Variants in OCM2 observed in about 807,000 individuals in gnomAD.
The protein encoded by OCM2 is oncomodulin-2.
A neutral mutation model predicts 13.6 loss-of-function variants in OCM2; 6 were observed. The observed-to-expected ratio is 0.44, with a 90% CI of 0.24 to 0.87. The LOEUF (loss-of-function observed/expected upper bound fraction) is 0.87. Ranked by LOEUF, OCM2 falls within the 40% of genes least tolerant of loss-of-function variation. The probability of loss-of-function intolerance (pLI) is 0.22; values close to 1 mark genes in which losing one functional copy is unlikely to be tolerated. For missense variants in OCM2, 118 were observed against 136.8 expected, an observed-to-expected ratio of 0.86 and a Z score of 0.68; for synonymous variants, 40 against 50.7, an observed-to-expected ratio of 0.79 and a Z score of 0.90.
chr7:97,985,397 C>T (rs1328856826), intron 3 of OCM2, among the ~76,000 whole-genome samples: 3 of 124,574 alleles, frequency 2.4e-5, no homozygotes, highest in Non-Finnish European at 4.7e-5. Flanking sequence ...CTAGCCTGGG[C>T]GAGAGAGCCA....
intron 2 of OCM2, 31 bp downstream of exon 2, chr7:97,988,385 A>T: frequency 6.2e-7 from 1 of 1,613,212 alleles, no homozygotes; most frequent in Non-Finnish European, 8.5e-7. Context: ...CAGCAGTGCC[A>T]GGTACCAGAC....
At chr7:97,990,016 T>TGGGCCCCCCC in intron 1 of OCM2, 28 bp downstream of exon 1, 1 of 1,083,840 alleles carries the variant, frequency 9.2e-7, no homozygotes, top group Non-Finnish European at 1.4e-6. Flanking sequence ...TGTGAGGAAA[T>TGGGCCCCCCC]CCCACCCCCG....
At chr7:97,988,938 T>TTC (rs1562866071) in intron 1 of OCM2, among the ~76,000 whole-genome samples, 4 of 149,672 alleles carry the variant, frequency 2.7e-5, no homozygotes, top group African/African-American at 9.8e-5. Flanking sequence ...TCTTTCTTTT[T>TTC]TTTTTTTTTT....
chr7:97,989,223 C>G (rs1235440214), intron 1 of OCM2, among the ~76,000 whole-genome samples: 1 of 151,758 alleles, frequency 6.6e-6, no homozygotes, highest in Non-Finnish European at 1.5e-5. Context: ...GAGCACCACA[C>G]CTGGCCCTTC....
exon 3 of OCM2, chr7:97,987,125 T>C: frequency 6.2e-7 from 1 of 1,613,850 alleles, no homozygotes; most frequent in Non-Finnish European, 8.5e-7. Context: ...GTCAGTTCTC[T>C]GGCACCACTC....
exon 4 of OCM2, chr7:97,984,800 T>C (rs910453630): frequency 2.8e-6 from 3 of 1,054,664 alleles, no homozygotes; most frequent in African/African-American, 1.6e-5. Context: ...TGAGTGACTC[T>C]CTCGTGACCT....
At chr7:97,985,792 A>T (rs1176537132) in intron 3 of OCM2, among the ~76,000 whole-genome samples, 1 of 152,234 alleles carries the variant, frequency 6.6e-6, no homozygotes, top group Non-Finnish European at 1.5e-5. Flanking sequence ...TGTTACTAAA[A>T]GAAGGATAAT....
At chr7:97,990,020 AC>A in intron 1 of OCM2, 23 bp downstream of exon 1, 2 of 644,598 alleles carry the variant, frequency 3.1e-6, no homozygotes, top group Non-Finnish European at 5.5e-6. Context: ...AGGAAATCCC[AC>A]CCCCGCCCCA....
intron 2 of OCM2, 41 bp from the exon 3 acceptor site, chr7:97,987,197 C>G (rs376681631): frequency 6.2e-7 from 1 of 1,611,508 alleles, no homozygotes; most frequent in Non-Finnish European, 8.5e-7. Context: ...TCAAAAAGGT[C>G]GTGCATCCCT....
rs1344192037 is a variant in OCM2 at position 97,989,712 on chromosome 7, A to AT, written c.61+331dup. Among the ~76,000 whole-genome samples the AT allele has an allele frequency of 8.2e-3, 1,118 of 136,562 alleles. 6 individuals are homozygous for AT. Among genetic ancestry groups the AT allele is most frequent in the African/African-American group, 0.024 (880 of 37,156 alleles). The allele number at this position is 136,562 out of a possible 152,430, so 89.6% of individuals were successfully genotyped here. A position where few individuals can be genotyped will look rare whatever the true frequency, so the allele number is the denominator to read the frequency against. ...ATGTGAGCCACCATGCCTGGTCTAC[A>AT]TTTTTTTTTTTTTTGTAGACAGAGT... On this transcript the variant is annotated intron_variant, in intron 1 of 3. Coordinates refer to ENST00000257627, the Ensembl canonical transcript of OCM2.
chr7:97,986,321 G>A (rs1794670644), intron 3 of OCM2, among the ~76,000 whole-genome samples: 2 of 81,716 alleles, frequency 2.4e-5, no homozygotes, highest in South Asian at 9.3e-4. Context: ...ATTTTGAACA[G>A]GTTTTTTTTT....
intron 1 of OCM2, among the ~76,000 whole-genome samples, chr7:97,989,538 C>T (rs1794709871): frequency 6.6e-6 from 1 of 151,652 alleles, no homozygotes; most frequent in African/African-American, 2.4e-5. Flanking sequence ...TAGCTGGGAC[C>T]ACAGGCACAT....
Position 97,984,977 on chromosome 7 carries a change from TG to T in OCM2, c.310del (p.Gln104ArgfsTer19). ...GGGCTTTTAAGAATGCACCATTTCC[TG>T]GAATTCTAGAACAGAAGAGGTGAGA... On this transcript the variant is annotated frameshift_variant, in exon 4 of 4. Transcript: ENST00000257627. LOFTEE classifies it high-confidence loss of function. 6.2e-7 allele frequency: 1 copy of T among 1,614,130 alleles called. No individual in the cohort carries two copies. The highest frequency in any genetic ancestry group is 8.5e-7 in the Non-Finnish European group (1 of 1,179,976).
intron 3 of OCM2, among the ~76,000 whole-genome samples, chr7:97,985,431 A>AAAAAAAGAAAG (rs757682710): frequency 6.8e-5 from 9 of 131,500 alleles, no homozygotes; most frequent in Non-Finnish European, 1.3e-4. Context: ...AAAAAAAAAA[A>AAAAAAAGAAAG]AAAGAAAGAA....
At position 97,988,546 on chromosome 7, in the gene OCM2, G is replaced by A. The variant is rs756579436; in HGVS notation, c.64C>T (p.Pro22Ser). The A allele has an allele frequency of 1.2e-6, 2 of 1,614,126 alleles. No individual in the cohort carries two copies. Among genetic ancestry groups the A allele is most frequent in the South Asian group, 2.2e-5 (2 of 91,076 alleles). ...AATTTTTGGGGTTCAAAAGTGTCTGGGTCTGAAGAACAGAGAATGGGTTAT... is the reference window on the plus strand; with the variant it reads ...AATTTTTGGGGTTCAAAAGTGTCTGAGTCTGAAGAACAGAGAATGGGTTAT... Residue 22 changes from proline (P) to serine (S), a missense_variant and splice_region_variant, in exon 2 of 4, where the codon CCA (proline) becomes TCA (serine). Physicochemically the swap from Pro to Ser is moderately conservative, Grantham distance 74. Coordinates refer to ENST00000257627, the Ensembl canonical transcript of OCM2.
rs755020815 is a variant in OCM2 at position 97,988,512 on chromosome 7, G to A, written c.98C>T (p.Thr33Met). 28 of 1,614,072 alleles carry A rather than the reference G, an allele frequency of 1.7e-5. No homozygotes were observed. The Admixed American group carries it at 2.2e-4, about 12-fold the overall frequency. Residue 33 changes from threonine to methionine, a missense_variant, in exon 2 of 4, where the codon ACG becomes ATG. By Grantham distance (81) the Thr-to-Met change is moderately conservative. Transcript: ENST00000257627. ...GGCTGACATCTTGGAGAGGCCTGACGTCTGGAAGAATTTTTGGGGTTCAAA... is the reference window on the plus strand; with the variant it reads ...GGCTGACATCTTGGAGAGGCCTGACATCTGGAAGAATTTTTGGGGTTCAAA...
In OCM2 at chr7:97,987,467, T is replaced by A. The variant is rs151110432; in HGVS notation, c.195-311A>T. On this transcript the variant is annotated intron_variant, in intron 2 of 3. Transcript: ENST00000257627. ...CTCAATCAATCCTTCTGCCTCAACCTCCCGAGTAGCTGGGACTAAAGGTGC... is the reference window on the plus strand; with the variant it reads ...CTCAATCAATCCTTCTGCCTCAACCACCCGAGTAGCTGGGACTAAAGGTGC... Among the ~76,000 whole-genome samples, 1,086 of 151,752 alleles carry A rather than the reference T, an allele frequency of 7.2e-3. 7 individuals carry two copies. The highest frequency in any genetic ancestry group is 0.025 in the African/African-American group (1,023 of 41,394).
chr7:97,986,921 A>C, intron 3 of OCM2, 126 bp downstream of exon 3: 1 of 1,466,312 alleles, frequency 6.8e-7, no homozygotes, highest in South Asian at 1.3e-5. Context: ...ACAGATGAGA[A>C]GACTGAGGCT....
In OCM2 at chr7:97,988,559, G is replaced by C. The variant is rs1584171154; in HGVS notation, c.62-11C>G. On this transcript the variant is annotated splice_polypyrimidine_tract_variant and intron_variant, in intron 1 of 3. Transcript: ENST00000257627. ...CAAAAGTGTCTGGGTCTGAAGAACA[G>C]AGAATGGGTTATTCTGACACTCATT... 1 of 1,614,170 alleles carries C rather than the reference G, an allele frequency of 6.2e-7. No individual in the cohort carries two copies. The highest frequency in any genetic ancestry group is 8.5e-7 in the Non-Finnish European group (1 of 1,180,024).
Sources: allele counts gnomAD v4.1 joint callset (sites outside exome capture counted in the v4.1 genomes callset), GRCh38; gene constraint gnomAD v4.1.1; transcripts MANE v1.5; gene names NCBI Gene and HGNC (gene_info 2026-07-23, HGNC 2026-07-21).